KIF26B: variants seen among roughly 807,000 people sequenced by gnomAD.
KIF26B encodes the protein kinesin-like protein KIF26B.
In KIF26B, 63 loss-of-function variants were observed where a neutral mutation model predicts 151.2. That is an observed-to-expected ratio of 0.42 (90% CI 0.34 to 0.51). KIF26B has a LOEUF of 0.51. Ranked by LOEUF, KIF26B falls within the 20% of genes least tolerant of loss-of-function variation. The pLI, the probability that KIF26B is intolerant of heterozygous loss-of-function variation, is 0.07. For synonymous variants in KIF26B, 1,357 were observed against 1,262.1 expected, an observed-to-expected ratio of 1.08 and a Z score of -1.59; for missense variants, 2,813 against 2,913.6, an observed-to-expected ratio of 0.97 and a Z score of 0.79.
intron 4 of KIF26B, among the ~76,000 whole-genome samples, chr1:245,420,460 G>C (rs1464737375): frequency 1.3e-5 from 2 of 152,168 alleles, no homozygotes; most frequent in African/African-American, 4.8e-5. Context: ...CTAGGAGTGA[G>C]TTTATAGCAC....
At chr1:245,361,536 T>C (rs1672819155) in intron 2 of KIF26B, among the ~76,000 whole-genome samples, 1 of 152,224 alleles carries the variant, frequency 6.6e-6, no homozygotes, top group South Asian at 2.1e-4. Context: ...GCTGTGGGCT[T>C]ACAAAGCAGA....
chr1:245,155,099 A>C lies in KIF26B; in HGVS notation c.-326A>C. On this transcript the variant is annotated 5_prime_UTR_variant, in exon 1 of 15. Coordinates refer to ENST00000407071, the MANE Select transcript of KIF26B (RefSeq NM_018012.4). ...GTATCCCTCGCTTTCCTCGTGGGGG[A>C]GCACGGACTGACTTGGCTGAAGAAA... 4.0e-6 allele frequency: 2 copies of C among 495,280 alleles called. No homozygotes were observed. Among genetic ancestry groups the C allele is most frequent in the Non-Finnish European group, 7.0e-6 (2 of 286,876 alleles). 30.7% of individuals were successfully genotyped at this position (495,280 alleles called of 1,614,324 possible).
At chr1:245,520,987 G>A (rs934299965) in intron 4 of KIF26B, among the ~76,000 whole-genome samples, 3 of 152,132 alleles carry the variant, frequency 2.0e-5, no homozygotes, top group Non-Finnish European at 2.9e-5. Context: ...AGAAAAGCAA[G>A]GATACTGGTG....
intron 3 of KIF26B, among the ~76,000 whole-genome samples, chr1:245,383,027 A>C (rs537048563): frequency 8.2e-5 from 12 of 146,486 alleles, no homozygotes; most frequent in African/African-American, 3.1e-4. Flanking sequence ...ACACATATAT[A>C]TATATGTATA....
intron 2 of KIF26B, among the ~76,000 whole-genome samples, chr1:245,191,362 C>T (rs1367504638): frequency 6.6e-6 from 1 of 152,000 alleles, no homozygotes; most frequent in Admixed American, 6.6e-5. Context: ...GTAATCCCAG[C>T]TACTCGGGAG....
chr1:245,387,705 A>G (rs1673586063), intron 3 of KIF26B, among the ~76,000 whole-genome samples: 1 of 152,096 alleles, frequency 6.6e-6, no homozygotes, highest in South Asian at 2.1e-4. Context: ...AAAACCCGCA[A>G]CAAACTAAAA....
chr1:245,184,050 G>GTCTTTTTTTT (rs1668954019), intron 2 of KIF26B, among the ~76,000 whole-genome samples: 1 of 19,804 alleles, frequency 5.0e-5, no homozygotes, highest in Non-Finnish European at 9.9e-5. Context: ...GGGAGTTGTT[G>GTCTTTTTTTT]TTTTTTTTTT....
At chr1:245,338,537 G>A (rs1672277339) in intron 2 of KIF26B, among the ~76,000 whole-genome samples, 2 of 152,196 alleles carry the variant, frequency 1.3e-5, no homozygotes, top group Admixed American at 1.3e-4. Flanking sequence ...TGATTCACTT[G>A]CACGCATTAC....
intron 9 of KIF26B, among the ~76,000 whole-genome samples, chr1:245,626,079 C>T (rs1411358884): frequency 6.6e-6 from 1 of 152,048 alleles, no homozygotes; most frequent in Non-Finnish European, 1.5e-5. Flanking sequence ...GCTAGTATTC[C>T]ATTGTGTATA....
chr1:245,175,941 T>C (rs905302142), intron 2 of KIF26B, among the ~76,000 whole-genome samples: 1 of 122,720 alleles, frequency 8.1e-6, no homozygotes, highest in Non-Finnish European at 1.7e-5. Context: ...TAGATGTCTA[T>C]ATATATAGAT....
intron 2 of KIF26B, among the ~76,000 whole-genome samples, chr1:245,193,128 T>G (rs1669138235): frequency 6.6e-6 from 1 of 152,212 alleles, no homozygotes; most frequent in Admixed American, 6.5e-5. Flanking sequence ...CACTTATAAT[T>G]GAGAACACAC....
At chr1:245,663,100 C>A (rs184373508) in intron 10 of KIF26B, among the ~76,000 whole-genome samples, 22 of 151,968 alleles carry the variant, frequency 1.4e-4, no homozygotes, top group Admixed American at 7.9e-4. Flanking sequence ...AAAGTCTGGA[C>A]TTTTCCTTGT....
At chr1:245,158,017 A>C (rs1668474234) in intron 2 of KIF26B, among the ~76,000 whole-genome samples, 1 of 152,204 alleles carries the variant, frequency 6.6e-6, no homozygotes, top group African/African-American at 2.4e-5. Flanking sequence ...TACAGATAAC[A>C]ACCACAAAAT....
chr1:245,586,215 G>A (rs1180121551), intron 5 of KIF26B, among the ~76,000 whole-genome samples: 1 of 149,968 alleles, frequency 6.7e-6, no homozygotes, highest in African/African-American at 2.5e-5. Flanking sequence ...TAATAGAGAC[G>A]GGGTCTTGCT....
At position 245,686,847 on chromosome 1, in the gene KIF26B, C is replaced by T. The variant is rs375079473; in HGVS notation, c.3864C>T (p.Gly1288=). The change falls in exon 12 of 15, where the codon GGC becomes GGT. Residue 1288 remains glycine, a synonymous_variant. Transcript: ENST00000407071. This position sits in a 1 kb window ranked among gnomAD's most constrained non-coding sequence, Gnocchi z 5.6. ...ISSWLSEMSA[G]SEGEQSCHSF... ...CCTGGCTGAGCGAGATGAGCGCGGG[C>T]AGTGAGGGTGAGCAGTCGTGCCACA... The T allele has an allele frequency of 1.9e-6, 3 of 1,613,512 alleles. No homozygotes were observed. Among genetic ancestry groups the T allele is most frequent in the Non-Finnish European group, 2.5e-6 (3 of 1,179,850 alleles).
intron 2 of KIF26B, among the ~76,000 whole-genome samples, chr1:245,190,145 C>T (rs1310894024): frequency 1.3e-5 from 2 of 152,124 alleles, no homozygotes; most frequent in Admixed American, 6.5e-5. Flanking sequence ...GGGAAACTGC[C>T]CCCATGATTC....
intron 5 of KIF26B, among the ~76,000 whole-genome samples, chr1:245,548,157 G>A (rs548776947): frequency 6.6e-6 from 1 of 152,204 alleles, no homozygotes; most frequent in South Asian, 2.1e-4. Flanking sequence ...TGTTTCTAGT[G>A]GAATGTTCAT....
intron 8 of KIF26B, among the ~76,000 whole-genome samples, chr1:245,611,522 AGTTCCAGATT>A (rs2043521062): frequency 6.6e-6 from 1 of 152,220 alleles, no homozygotes; most frequent in Non-Finnish European, 1.5e-5. Context: ...CACACCCACT[AGTTCCAGATT>A]CTACTTAGAC....
intron 2 of KIF26B, among the ~76,000 whole-genome samples, chr1:245,277,641 T>A (rs1670962881): frequency 6.6e-6 from 1 of 151,884 alleles, no homozygotes; most frequent in African/African-American, 2.4e-5. Flanking sequence ...CAAAAACCAC[T>A]TAAAAAAAAA....
Sources: gnomAD v4.1 joint callset for allele counts (sites outside exome capture counted in the v4.1 genomes callset) on GRCh38, gnomAD v4.1.1 for gene constraint, Gnocchi (gnomAD v3.1) non-coding constraint, MANE v1.5 for transcripts, NCBI Gene and HGNC (gene_info 2026-07-23, HGNC 2026-07-21) for gene names.